Variants in CDH12 observed in about 807,000 individuals in gnomAD.
CDH12 encodes the protein cadherin-12.
A neutral mutation model predicts 74.1 loss-of-function variants in CDH12; 41 were observed. The observed-to-expected ratio is 0.55, with a 90% CI of 0.43 to 0.72. The LOEUF (loss-of-function observed/expected upper bound fraction) is 0.72, where lower values mean the gene tolerates loss of function less well. CDH12 is among the 30% of genes least tolerant of loss of function. CDH12 has a pLI of 0.00. For missense variants in CDH12, 945 were observed against 977.2 expected (o/e 0.97, Z 0.44); for synonymous variants, 399 against 355.0 (o/e 1.12, Z -1.39).
At chr5:22,541,292 CTCT>C (rs1580748119) in intron 1 of CDH12, among the ~76,000 whole-genome samples, 3 of 152,206 alleles carry the variant, frequency 2.0e-5, no homozygotes, top group Admixed American at 2.0e-4. Context: ...TCGCCAGAAA[CTCT>C]TCATTTCAGG....
At chr5:22,806,415 C>G (rs1298645193) in intron 1 of CDH12, among the ~76,000 whole-genome samples, 1 of 147,932 alleles carries the variant, frequency 6.8e-6, no homozygotes, top group East Asian at 2.0e-4. Flanking sequence ...TGCAGTGGCG[C>G]AATCTCGGCT....
chr5:22,442,241 G>C (rs1744656547), intron 2 of CDH12, among the ~76,000 whole-genome samples: 1 of 152,086 alleles, frequency 6.6e-6, no homozygotes, highest in South Asian at 2.1e-4. Flanking sequence ...GTTTATGGCA[G>C]CATAAAGAGG....
intron 3 of CDH12, among the ~76,000 whole-genome samples, chr5:22,334,364 A>G (rs953910931): frequency 6.7e-6 from 1 of 148,814 alleles, no homozygotes; most frequent in East Asian, 2.0e-4. Context: ...AAGAGAATAG[A>G]AAAAAAAAAT....
intron 2 of CDH12, among the ~76,000 whole-genome samples, chr5:22,492,175 T>G (rs958511187): frequency 6.6e-6 from 1 of 151,954 alleles, no homozygotes; most frequent in Non-Finnish European, 1.5e-5. Flanking sequence ...CCCTGGAGAA[T>G]ATTTCCTTCT....
chr5:22,309,679 A>C (rs753900272), intron 3 of CDH12, among the ~76,000 whole-genome samples: 2 of 152,048 alleles, frequency 1.3e-5, no homozygotes, highest in African/African-American at 2.4e-5. Flanking sequence ...CTCATGTTGT[A>C]CATTAGGTAT....
intron 3 of CDH12, among the ~76,000 whole-genome samples, chr5:22,354,017 A>T (rs1330489233): frequency 6.6e-6 from 1 of 152,196 alleles, no homozygotes; most frequent in East Asian, 1.9e-4. Flanking sequence ...CCAGTAATGA[A>T]GTCCCTTAGG....
chr5:22,638,127 T>C (rs1344857183), intron 1 of CDH12, among the ~76,000 whole-genome samples: 1 of 152,210 alleles, frequency 6.6e-6, no homozygotes, highest in Non-Finnish European at 1.5e-5. Context: ...AGGGAACTCA[T>C]GTATTAGACT....
At chr5:21,867,560 G>C (rs1206881927) in intron 6 of CDH12, among the ~76,000 whole-genome samples, 2 of 152,202 alleles carry the variant, frequency 1.3e-5, no homozygotes, top group African/African-American at 4.8e-5. Context: ...GGAACTTTAA[G>C]ATTTGACTGT....
At chr5:22,014,352 A>G (rs990318581) in intron 5 of CDH12, among the ~76,000 whole-genome samples, 5 of 152,180 alleles carry the variant, frequency 3.3e-5, no homozygotes, top group African/African-American at 1.2e-4. Flanking sequence ...ATGAAAGTTC[A>G]TTGAGTACAT....
chr5:22,333,518 G>C (rs1455448488), intron 3 of CDH12, among the ~76,000 whole-genome samples: 1 of 151,966 alleles, frequency 6.6e-6, no homozygotes, highest in South Asian at 2.1e-4. Flanking sequence ...AAAAGCCCAG[G>C]ATCCGATGGC....
intron 2 of CDH12, among the ~76,000 whole-genome samples, chr5:22,454,562 C>G (rs1240988834): frequency 6.6e-6 from 1 of 152,168 alleles, no homozygotes; most frequent in African/African-American, 2.4e-5. Context: ...CAACCTCCAC[C>G]TCCCAGGTTC....
At chr5:22,793,753 G>GTT (rs11343348) in intron 1 of CDH12, among the ~76,000 whole-genome samples, 17 of 138,470 alleles carry the variant, frequency 1.2e-4, no homozygotes, top group East Asian at 6.3e-4. Flanking sequence ...CTCTTTAACT[G>GTT]TTTTTTTTTT....
intron 10 of CDH12, among the ~76,000 whole-genome samples, chr5:21,789,154 G>A (rs924678781): frequency 2.6e-5 from 4 of 151,998 alleles, no homozygotes; most frequent in Non-Finnish European, 5.9e-5. Flanking sequence ...AGTTATGTGT[G>A]ATAATTGTAT....
intron 1 of CDH12, among the ~76,000 whole-genome samples, chr5:22,657,070 T>A (rs1318362466): frequency 6.6e-6 from 1 of 152,166 alleles, no homozygotes; most frequent in Non-Finnish European, 1.5e-5. Flanking sequence ...TCAGAAATGA[T>A]GCATTACTAC....
intron 1 of CDH12, among the ~76,000 whole-genome samples, chr5:22,828,956 C>A (rs918114194): frequency 6.6e-6 from 1 of 151,930 alleles, no homozygotes; most frequent in Non-Finnish European, 1.5e-5. Flanking sequence ...TCTATATTTT[C>A]CTGGGCTCAA....
chr5:22,787,801 CCA>C (rs1379519957), intron 1 of CDH12, among the ~76,000 whole-genome samples: 2 of 152,086 alleles, frequency 1.3e-5, no homozygotes, highest in East Asian at 3.9e-4. Context: ...TCGCTGGTTT[CCA>C]GAGTCATCAG....
At chr5:22,319,449 G>A (rs894539234) in intron 3 of CDH12, among the ~76,000 whole-genome samples, 15 of 152,100 alleles carry the variant, frequency 9.9e-5, no homozygotes, top group Middle Eastern at 3.2e-3. Context: ...AGCACAGTAC[G>A]GAAATTTAGG....
intron 10 of CDH12, among the ~76,000 whole-genome samples, chr5:21,800,905 G>A (rs1413756557): frequency 2.0e-5 from 3 of 152,076 alleles, no homozygotes; most frequent in Non-Finnish European, 2.9e-5. Context: ...TTCTCCTTCC[G>A]CCATGATTGT....
intron 1 of CDH12, among the ~76,000 whole-genome samples, chr5:22,538,461 A>G (rs965966682): frequency 1.5e-4 from 23 of 152,304 alleles, no homozygotes; most frequent in African/African-American, 4.8e-4. Flanking sequence ...TTATTGTGGG[A>G]GGCTGCTTTA....
Sources: gnomAD v4.1 joint callset for allele counts (sites outside exome capture counted in the v4.1 genomes callset) on GRCh38, gnomAD v4.1.1 for gene constraint, MANE v1.5 for transcripts, NCBI Gene and HGNC (gene_info 2026-07-23, HGNC 2026-07-21) for gene names.